Variants in MED30 observed in about 807,000 individuals in gnomAD.
MED30 encodes the protein mediator of RNA polymerase II transcription subunit 30.
Under a neutral mutation model 21.7 loss-of-function variants are expected in MED30, and 8 were observed. The observed-to-expected ratio is 0.37, with a 90% CI of 0.22 to 0.67. The LOEUF (loss-of-function observed/expected upper bound fraction) is 0.67, where lower values mean the gene tolerates loss of function less well. Ranked by LOEUF, MED30 falls within the 30% of genes least tolerant of loss-of-function variation. The pLI is 0.58. For synonymous variants in MED30, 79 were observed against 86.7 expected (o/e 0.91, Z 0.49); for missense variants, 203 against 228.2 (o/e 0.89, Z 0.71).
At chr8:117,536,062 T>C (rs1818874007) in intron 3 of MED30, among the ~76,000 whole-genome samples, 2 of 152,132 alleles carry the variant, frequency 1.3e-5, no homozygotes, top group South Asian at 4.1e-4. Flanking sequence ...TCTTCAAACA[T>C]GAAAATATTT....
chr8:117,535,601 T>C (rs1326729663), intron 3 of MED30, among the ~76,000 whole-genome samples: 3 of 152,076 alleles, frequency 2.0e-5, no homozygotes, highest in Non-Finnish European at 2.9e-5. Context: ...TGGCTATAGA[T>C]GATAATGTAC....
chr8:117,534,268 C>A (rs757150869), intron 3 of MED30, among the ~76,000 whole-genome samples: 1 of 152,076 alleles, frequency 6.6e-6, no homozygotes, highest in Admixed American at 6.6e-5. Flanking sequence ...TACCTTGCAT[C>A]TGCTGTTGTG....
chr8:117,524,600 T>C (rs117242839), intron 1 of MED30, among the ~76,000 whole-genome samples: 2,467 of 152,320 alleles, frequency 0.016, 39 homozygotes, highest in South Asian at 0.041. Flanking sequence ...TTATTATTCT[T>C]TGAATCTTTA....
chr8:117,535,178 G>A (rs1467181391), intron 3 of MED30, among the ~76,000 whole-genome samples: 2 of 149,632 alleles, frequency 1.3e-5, no homozygotes, highest in Non-Finnish European at 3.0e-5. Flanking sequence ...TAGAATATAA[G>A]ATTAAAATAT....
intron 1 of MED30, among the ~76,000 whole-genome samples, chr8:117,524,312 T>C (rs981155886): frequency 1.3e-5 from 2 of 152,244 alleles, no homozygotes; most frequent in African/African-American, 4.8e-5. Flanking sequence ...CATTTTAAAG[T>C]AATCGTCTGT....
At chr8:117,532,205 A>G (rs1449167507) in intron 3 of MED30, among the ~76,000 whole-genome samples, 1 of 151,998 alleles carries the variant, frequency 6.6e-6, no homozygotes, top group East Asian at 1.9e-4. Flanking sequence ...ATACAGTAAC[A>G]ATCCAAATCC....
At chr8:117,528,505 C>CTTAAAA in intron 1 of MED30, 146 bp from the exon 2 acceptor site, 1 of 555,262 alleles carries the variant, frequency 1.8e-6, no homozygotes. Context: ...CTCTTAAATT[C>CTTAAAA]TTAAAATTAA....
At chr8:117,522,015 C>T (rs1350785029) in intron 1 of MED30, among the ~76,000 whole-genome samples, 1 of 152,138 alleles carries the variant, frequency 6.6e-6, no homozygotes, top group Non-Finnish European at 1.5e-5. Context: ...ATTTTACGTC[C>T]CGATTATTGC....
chr8:117,534,924 G>A (rs1818851009), intron 3 of MED30, among the ~76,000 whole-genome samples: 1 of 128,132 alleles, frequency 7.8e-6, no homozygotes, highest in South Asian at 2.6e-4. Flanking sequence ...TGAATTAAAT[G>A]TAGCATATTC....
chr8:117,527,636 C>CTTTTTTTTTTTTTTTTT (rs3040826), intron 1 of MED30, among the ~76,000 whole-genome samples: 14 of 127,582 alleles, frequency 1.1e-4, no homozygotes, highest in East Asian at 2.4e-4. Flanking sequence ...TTTTTTCTTT[C>CTTTTTTTTTTTTTTTTT]TTTTTTTTTT....
intron 1 of MED30, chr8:117,524,034 A>ATT (rs1191643705): frequency 1.1e-5 from 2 of 182,648 alleles, no homozygotes; most frequent in Admixed American, 1.1e-4. Flanking sequence ...ATAAATGGCA[A>ATT]TACGTTTCTT....
chr8:117,534,256 T>G (rs1818833816), intron 3 of MED30, among the ~76,000 whole-genome samples: 1 of 152,106 alleles, frequency 6.6e-6, no homozygotes. Context: ...CATCTGAAAA[T>G]TTACCTTGCA....
intron 3 of MED30, among the ~76,000 whole-genome samples, chr8:117,538,087 C>G (rs1403011407): frequency 2.0e-5 from 3 of 152,192 alleles, no homozygotes; most frequent in Non-Finnish European, 1.5e-5. Context: ...TATTCTTCAT[C>G]TTTCCCAGCA....
intron 3 of MED30, 78 bp downstream of exon 3, chr8:117,530,905 CAT>C (rs973626108): frequency 2.1e-6 from 2 of 970,930 alleles, no homozygotes; most frequent in African/African-American, 3.3e-5. Context: ...AACTCCAAAA[CAT>C]AATTTGAATT....
chr8:117,535,336 C>T (rs952261139), intron 3 of MED30, among the ~76,000 whole-genome samples: 5 of 147,292 alleles, frequency 3.4e-5, no homozygotes, highest in Non-Finnish European at 5.9e-5. Context: ...TCAAGCAATT[C>T]TCCTGCCTCA....
Position 117,520,716 on chromosome 8 carries a change from T to C in MED30, c.-161T>C. The C allele has an allele frequency of 1.6e-6, 1 of 636,580 alleles. No homozygotes were observed. Among genetic ancestry groups the C allele is most frequent in the Non-Finnish European group, 2.5e-6 (1 of 396,214 alleles). The allele number at this position is 636,580 out of a possible 1,614,324, so 39.4% of individuals were successfully genotyped here. Reference sequence around the variant, plus strand: ...GGTGTCTATGACGTTTTCTGACGTGTTACGTCACAGTGGGCGGAAGTCGCG... The same window carrying C: ...GGTGTCTATGACGTTTTCTGACGTGCTACGTCACAGTGGGCGGAAGTCGCG... On this transcript the variant is annotated 5_prime_UTR_variant, in exon 1 of 4. Coordinates refer to ENST00000297347, the MANE Select transcript of MED30 (RefSeq NM_080651.4).
chr8:117,530,954 A>G (rs1935723459), intron 3 of MED30, 127 bp downstream of exon 3: 4 of 691,116 alleles, frequency 5.8e-6, no homozygotes, highest in Non-Finnish European at 9.8e-6. Flanking sequence ...GGCAAACTTC[A>G]CCTATTTAGA....
At chr8:117,528,581 C>G (rs1429429086) in intron 1 of MED30, 70 bp from the exon 2 acceptor site, 1 of 1,395,958 alleles carries the variant, frequency 7.2e-7, no homozygotes, top group African/African-American at 1.5e-5. Flanking sequence ...TGTTTGTTGG[C>G]TTTACTTATA....
At chr8:117,529,300 A>G (rs1007690595) in intron 2 of MED30, among the ~76,000 whole-genome samples, 3 of 151,848 alleles carry the variant, frequency 2.0e-5, no homozygotes, top group African/African-American at 7.2e-5. Flanking sequence ...TTAATTAGGC[A>G]TATATTTCTA....
Sources: gnomAD v4.1 joint callset for allele counts (sites outside exome capture counted in the v4.1 genomes callset) on GRCh38, gnomAD v4.1.1 for gene constraint, MANE v1.5 for transcripts, NCBI Gene and HGNC (gene_info 2026-07-23, HGNC 2026-07-21) for gene names.